ARID1B: variants seen among roughly 807,000 people sequenced by gnomAD.
ARID1B encodes the protein AT-rich interaction domain 1B, also known as AT-rich interactive domain-containing protein 1B.
ARID1B carries 30 observed loss-of-function variants against 212.3 expected under a neutral mutation model. The ratio of observed to expected loss-of-function variants is 0.14; its 90% CI spans 0.11 to 0.19. The LOEUF (loss-of-function observed/expected upper bound fraction) is 0.19, where lower values mean the gene tolerates loss of function less well. Among genes scored for constraint, ARID1B ranks in the 10% least tolerant of loss-of-function variants. ARID1B has a pLI of 1.00. For missense variants in ARID1B, 2,891 were observed against 3,204.0 expected (o/e 0.90, Z 2.36); for synonymous variants, 1,402 against 1,301.7 (o/e 1.08, Z -1.66).
intron 1 of ARID1B, among the ~76,000 whole-genome samples, chr6:156,809,978 G>A (rs567644183): frequency 6.6e-6 from 1 of 152,326 alleles, no homozygotes; most frequent in African/African-American, 2.4e-5. Context: ...AATCAGCACA[G>A]CATGTGGCTG....
chr6:157,155,432 GACTA>G (rs1393735386), intron 8 of ARID1B, among the ~76,000 whole-genome samples: 4 of 150,936 alleles, frequency 2.7e-5, no homozygotes, highest in Admixed American at 6.6e-5. Context: ...GCCCTTCGTG[GACTA>G]ACTGAGCATC....
At chr6:156,928,084 A>G (rs1291160035) in intron 3 of ARID1B, among the ~76,000 whole-genome samples, 1 of 152,170 alleles carries the variant, frequency 6.6e-6, no homozygotes, top group African/African-American at 2.4e-5. Flanking sequence ...CGCATGGCCC[A>G]TGGGACCCGA....
At chr6:156,900,726 A>C (rs1227156850) in intron 2 of ARID1B, among the ~76,000 whole-genome samples, 1 of 152,212 alleles carries the variant, frequency 6.6e-6, no homozygotes, top group Non-Finnish European at 1.5e-5. Context: ...AGGCTGATGT[A>C]AATTAGAGAT....
intron 8 of ARID1B, among the ~76,000 whole-genome samples, chr6:157,161,431 G>GTATATATATATATATATATA (rs199731974): frequency 8.0e-4 from 111 of 139,372 alleles, no homozygotes; most frequent in Non-Finnish European, 1.1e-3. Flanking sequence ...TTGTGTGTGT[G>GTATATATATATATATATATA]TATATATATA....
rs200223716 is a variant in ARID1B at position 157,050,535 on chromosome 6, AT to A, written c.2248-34126del. Among the ~76,000 whole-genome samples the A allele has an allele frequency of 6.3e-3, 962 of 152,242 alleles. 7 individuals are homozygous for A. Among genetic ancestry groups the A allele is most frequent in the African/African-American group, 0.022 (927 of 41,560 alleles). Reference sequence around the variant, plus strand: ...CTCCAGCCTGGGCGACAGAGCGAGAATCTTATCTCAAAAATAAAAAAGTTAC... The same window carrying A: ...CTCCAGCCTGGGCGACAGAGCGAGAACTTATCTCAAAAATAAAAAAGTTAC... On this transcript the variant is annotated intron_variant, in intron 4 of 19. Transcript: ENST00000636930.
intron 11 of ARID1B, among the ~76,000 whole-genome samples, chr6:157,177,651 T>A (rs1292981721): frequency 6.6e-6 from 1 of 152,184 alleles, no homozygotes; most frequent in Non-Finnish European, 1.5e-5. Context: ...CCTAAAAGAC[T>A]TGAGGAAAAT....
rs760266918 is a variant in ARID1B, at chr6:157,198,475, C to T, written c.4383-336C>T. 6.3e-4 allele frequency: 177 copies of T among 279,172 alleles called. No individual in the cohort carries two copies. The Middle Eastern group carries it at 0.012, about 19-fold the overall frequency. 17.3% of individuals were successfully genotyped at this position (279,172 alleles called of 1,614,324 possible). ...ACTGTACGACACTTCCTAAGGTACA[C>T]GTCAGTGGACAGGCGGGGCTGCGGC... On this transcript the variant is annotated intron_variant, in intron 16 of 19. Coordinates refer to ENST00000636930, the MANE Select transcript of ARID1B (RefSeq NM_001374828.1).
chr6:157,060,693 G>A (rs1397345916), intron 4 of ARID1B, among the ~76,000 whole-genome samples: 1 of 120,354 alleles, frequency 8.3e-6, no homozygotes, highest in Non-Finnish European at 1.6e-5. Context: ...TCAAGAGCCC[G>A]ACCATGCTGT....
At chr6:157,029,279 A>G (rs756570662) in intron 4 of ARID1B, among the ~76,000 whole-genome samples, 2 of 152,236 alleles carry the variant, frequency 1.3e-5, no homozygotes, top group Non-Finnish European at 2.9e-5. Context: ...TTATATAGTT[A>G]TATTAGGTAG....
chr6:157,062,653 G>T (rs182271277), intron 4 of ARID1B, among the ~76,000 whole-genome samples: 8 of 149,404 alleles, frequency 5.4e-5, no homozygotes, highest in African/African-American at 2.0e-4. Context: ...GATGTTTGTT[G>T]TTTCATACAA....
chr6:157,107,502 G>A (rs1481403498), intron 5 of ARID1B, among the ~76,000 whole-genome samples: 1 of 152,134 alleles, frequency 6.6e-6, no homozygotes, highest in Non-Finnish European at 1.5e-5. Context: ...CATAGACTTA[G>A]GCTGATAATT....
At chr6:156,952,954 C>A (rs1793696652) in intron 4 of ARID1B, among the ~76,000 whole-genome samples, 1 of 152,126 alleles carries the variant, frequency 6.6e-6, no homozygotes, top group Non-Finnish European at 1.5e-5. Flanking sequence ...CAACTTTATT[C>A]TTTTGTATTT....
intron 2 of ARID1B, among the ~76,000 whole-genome samples, chr6:156,892,651 G>A (rs745337988): frequency 2.0e-5 from 3 of 152,036 alleles, no homozygotes; most frequent in African/African-American, 4.8e-5. Context: ...GACTATTTCC[G>A]TCACTCCTAG....
intron 2 of ARID1B, among the ~76,000 whole-genome samples, chr6:156,854,044 T>G (rs1447046730): frequency 6.6e-6 from 1 of 152,170 alleles, no homozygotes; most frequent in Non-Finnish European, 1.5e-5. Context: ...CTCCATAAAT[T>G]TTTGTGAGGT....
chr6:157,153,695 G>T (rs930412344), intron 8 of ARID1B, among the ~76,000 whole-genome samples: 5 of 152,136 alleles, frequency 3.3e-5, no homozygotes, highest in Non-Finnish European at 4.4e-5. Context: ...CTAAACACAG[G>T]CTTTAATATA....
At chr6:156,793,109 C>T (rs1780119756) in intron 1 of ARID1B, among the ~76,000 whole-genome samples, 2 of 152,132 alleles carry the variant, frequency 1.3e-5, no homozygotes, top group Admixed American at 1.3e-4. Context: ...GCAGCCAGCA[C>T]AGCCCTAATA....
At chr6:157,056,129 T>A (rs907495084) in intron 4 of ARID1B, among the ~76,000 whole-genome samples, 1 of 152,116 alleles carries the variant, frequency 6.6e-6, no homozygotes, top group African/African-American at 2.4e-5. Flanking sequence ...TTACCTGTCA[T>A]CTCCACACCG....
intron 4 of ARID1B, among the ~76,000 whole-genome samples, chr6:157,025,682 T>C (rs1224345818): frequency 1.3e-5 from 2 of 152,250 alleles, no homozygotes; most frequent in African/African-American, 4.8e-5. Context: ...TGTTTGGCTA[T>C]GATCATAGTT....
intron 1 of ARID1B, among the ~76,000 whole-genome samples, chr6:156,796,716 C>T (rs895664219): frequency 1.3e-5 from 2 of 152,282 alleles, no homozygotes; most frequent in Middle Eastern, 3.4e-3. Context: ...AATAGTTATC[C>T]TTTTTGCCAT....
Sources: gnomAD v4.1 joint callset for allele counts (sites outside exome capture counted in the v4.1 genomes callset) on GRCh38, gnomAD v4.1.1 for gene constraint, MANE v1.5 for transcripts, NCBI Gene and HGNC (gene_info 2026-07-23, HGNC 2026-07-21) for gene names.